The following PRELID2 variants were observed in gnomAD, a reference collection of about 807,000 sequenced individuals.
PRELID2 encodes the protein PRELI domain containing 2.
In PRELID2, 25 loss-of-function variants were observed where a neutral mutation model predicts 28.4. The observed-to-expected ratio is 0.88, with a 90% CI of 0.64 to 1.23. PRELID2 has a LOEUF of 1.23. PRELID2 is among the 50% of genes most tolerant of loss of function. The pLI is 0.00. For missense variants in PRELID2, 201 were observed against 214.4 expected (o/e 0.94, Z 0.39); for synonymous variants, 76 against 71.6 (o/e 1.06, Z -0.31).
chr5:145,589,397 A>G (rs1753196330), intron 1 of PRELID2, among the ~76,000 whole-genome samples: 1 of 152,192 alleles, frequency 6.6e-6, no homozygotes, highest in African/African-American at 2.4e-5. Flanking sequence ...AATGGTTAAA[A>G]GAGTGTAATT....
chr5:145,453,992 C>A, the PRELID2 span, among the ~76,000 whole-genome samples: 3 of 152,014 alleles, frequency 2.0e-5, no homozygotes, highest in African/African-American at 7.2e-5. Flanking sequence ...TAATAGGATT[C>A]CTGGGTCAAA....
the PRELID2 span, among the ~76,000 whole-genome samples, chr5:145,291,335 C>CACAAAAAAAAAAAAAAAAA: frequency 1.0e-4 from 6 of 57,472 alleles, no homozygotes; most frequent in African/African-American, 4.3e-4. Flanking sequence ...GACTCTGTTT[C>CACAAAAAAAAAAAAAAAAA]AGAAAAAAAA....
chr5:145,514,527 C>T (rs571691656), intron 1 of PRELID2, among the ~76,000 whole-genome samples: 3 of 152,022 alleles, frequency 2.0e-5, no homozygotes, highest in Admixed American at 1.3e-4. Context: ...AAACAGATTT[C>T]GACTCTCACA....
chr5:145,278,965 C>T, the PRELID2 span, among the ~76,000 whole-genome samples: 2 of 152,152 alleles, frequency 1.3e-5, no homozygotes, highest in South Asian at 2.1e-4. Flanking sequence ...TCTCTGACCC[C>T]GAACAAAAAC....
chr5:145,419,557 G>T, the PRELID2 span, among the ~76,000 whole-genome samples: 1 of 137,378 alleles, frequency 7.3e-6, no homozygotes, highest in Non-Finnish European at 1.6e-5. Context: ...CATGTCCTTC[G>T]CCCACTTTTT....
chr5:145,676,574 C>A (rs1425057502), intron 1 of PRELID2, among the ~76,000 whole-genome samples: 1 of 152,152 alleles, frequency 6.6e-6, no homozygotes, highest in African/African-American at 2.4e-5. Context: ...TCATTGCTCA[C>A]TTTTGGAGAA....
chr5:145,741,328 T>A (rs1273403223), intron 1 of PRELID2, among the ~76,000 whole-genome samples: 1 of 32,586 alleles, frequency 3.1e-5, no homozygotes, highest in African/African-American at 8.5e-5. Flanking sequence ...AATAAATTAT[T>A]TATATATAAA....
rs1755728978 is a variant in PRELID2, at chr5:145,712,758, A to C, written n.70+52173T>G. Among the ~76,000 whole-genome samples the C allele has an allele frequency of 2.6e-5, 4 of 152,292 alleles. No homozygotes were observed. The South Asian group carries it at 8.3e-4, about 32-fold the overall frequency. On this transcript the variant is annotated intron_variant and non_coding_transcript_variant, in intron 1 of 2. Transcript: ENST00000510259. ...AAATATAAGACAGTAAATTTGAAAG[A>C]GCCAATATAAATATATCAAAGGATC...
rs558182234 is a variant in PRELID2, at chr5:145,602,416, A to T, written n.71-129101T>A. ...AAAGTTACTTCTACACATAAATTTTAAAATATGACTTTTAGGAAACAATAA... is the reference window on the plus strand; with the variant it reads ...AAAGTTACTTCTACACATAAATTTTTAAATATGACTTTTAGGAAACAATAA... On this transcript the variant is annotated intron_variant and non_coding_transcript_variant, in intron 1 of 2. Coordinates refer to the PRELID2 transcript ENST00000510259. 1.1e-4 allele frequency among the ~76,000 whole-genome samples: 17 copies of T among 152,360 alleles called. No individual in the cohort carries two copies. The South Asian group carries it at 2.3e-3, about 20-fold the overall frequency.
At chr5:145,411,568 C>G in the PRELID2 span, among the ~76,000 whole-genome samples, 1 of 152,230 alleles carries the variant, frequency 6.6e-6, no homozygotes, top group Non-Finnish European at 1.5e-5. Flanking sequence ...CTACCAGCTG[C>G]TTTCATGGGC....
the PRELID2 span, among the ~76,000 whole-genome samples, chr5:145,270,536 C>T: frequency 2.6e-5 from 4 of 151,982 alleles, no homozygotes; most frequent in Non-Finnish European, 5.9e-5. Flanking sequence ...AACAAATGTG[C>T]GGTTCTAGAA....
intron 1 of PRELID2, among the ~76,000 whole-genome samples, chr5:145,688,141 A>G (rs1285683697): frequency 6.6e-6 from 1 of 152,168 alleles, no homozygotes; most frequent in African/African-American, 2.4e-5. Flanking sequence ...GGGTGATGGG[A>G]AGGCTTTTAA....
At chr5:145,512,346 C>T (rs565727375) in intron 1 of PRELID2, among the ~76,000 whole-genome samples, 63 of 152,240 alleles carry the variant, frequency 4.1e-4, no homozygotes, top group African/African-American at 1.4e-3. Flanking sequence ...GGGAAGTGCG[C>T]GGTTTTCCCC....
intron 1 of PRELID2, among the ~76,000 whole-genome samples, chr5:145,666,581 A>AC (rs1368082649): frequency 6.6e-6 from 1 of 152,106 alleles, no homozygotes; most frequent in Non-Finnish European, 1.5e-5. Flanking sequence ...TCACTCACTC[A>AC]TAGTACCCTG....
At chr5:145,830,146 G>A (rs533400772) in intron 1 of PRELID2, among the ~76,000 whole-genome samples, 9 of 152,210 alleles carry the variant, frequency 5.9e-5, no homozygotes, top group Non-Finnish European at 1.2e-4. Context: ...GCAAGGATTT[G>A]CTGAGTACCT....
At chr5:145,406,757 T>A in the PRELID2 span, among the ~76,000 whole-genome samples, 1 of 152,148 alleles carries the variant, frequency 6.6e-6, no homozygotes, top group African/African-American at 2.4e-5. Flanking sequence ...GTTCATACAG[T>A]GTGAGAGGGG....
intron 1 of PRELID2, among the ~76,000 whole-genome samples, chr5:145,497,177 T>C (rs1752316644): frequency 6.6e-6 from 1 of 152,144 alleles, no homozygotes; most frequent in African/African-American, 2.4e-5. Flanking sequence ...TCTAGGATAA[T>C]TTGAAGGCTT....
At chr5:145,444,145 T>C in the PRELID2 span, among the ~76,000 whole-genome samples, 1 of 152,020 alleles carries the variant, frequency 6.6e-6, no homozygotes, top group Admixed American at 6.6e-5. Flanking sequence ...GTGTAATAAA[T>C]TTGACATTTC....
chr5:145,237,590 G>A, the PRELID2 span, among the ~76,000 whole-genome samples: 5 of 152,068 alleles, frequency 3.3e-5, no homozygotes, highest in Non-Finnish European at 5.9e-5. Context: ...GTCTAAAGCC[G>A]ACTTCTCCCA....
Sources: gnomAD v4.1 joint callset for allele counts (sites outside exome capture counted in the v4.1 genomes callset) on GRCh38, gnomAD v4.1.1 for gene constraint, MANE v1.5 for transcripts, NCBI Gene and HGNC (gene_info 2026-07-23, HGNC 2026-07-21) for gene names.